ARHGAP15: variants seen among roughly 807,000 people sequenced by gnomAD.
ARHGAP15 encodes the protein Rho GTPase activating protein 15.
ARHGAP15 carries 51 observed loss-of-function variants against 63.7 expected under a neutral mutation model. That is an observed-to-expected ratio of 0.80 (90% confidence interval 0.64 to 1.01). ARHGAP15 has a LOEUF of 1.01. ARHGAP15 is among the 50% of genes least tolerant of loss of function. The pLI is 0.00. For synonymous variants in ARHGAP15, 191 were observed against 193.8 expected (o/e 0.99, Z 0.12); for missense variants, 560 against 564.6 (o/e 0.99, Z 0.08).
At chr2:143,452,888 T>C (rs1690472637) in intron 8 of ARHGAP15, among the ~76,000 whole-genome samples, 1 of 152,014 alleles carries the variant, frequency 6.6e-6, no homozygotes, top group Non-Finnish European at 1.5e-5. Flanking sequence ...GCATAAGCTT[T>C]CCCATTCTAA....
At chr2:143,767,844 C>T in intron 13 of ARHGAP15, 145 bp from the exon 14 acceptor site, 3 of 784,820 alleles carry the variant, frequency 3.8e-6, no homozygotes, top group Admixed American at 2.9e-5. Context: ...TACTTCCATA[C>T]AGTAAAGTAT....
intron 6 of ARHGAP15, among the ~76,000 whole-genome samples, chr2:143,423,260 T>C (rs775727086): frequency 1.3e-5 from 2 of 152,166 alleles, no homozygotes; most frequent in Admixed American, 6.6e-5. Context: ...TTCCCCACTG[T>C]GACACTGTGG....
intron 11 of ARHGAP15, among the ~76,000 whole-genome samples, chr2:143,584,828 G>T (rs1322523932): frequency 6.6e-6 from 1 of 152,080 alleles, no homozygotes; most frequent in African/African-American, 2.4e-5. Flanking sequence ...CAAGATTTTT[G>T]ATCTACATTT....
At chr2:143,488,587 G>A (rs1472449194) in intron 9 of ARHGAP15, among the ~76,000 whole-genome samples, 1 of 152,194 alleles carries the variant, frequency 6.6e-6, no homozygotes, top group African/African-American at 2.4e-5. Context: ...AAAGCTGAAA[G>A]GCTAAACTTT....
At chr2:143,616,749 G>C (rs936023364) in intron 11 of ARHGAP15, among the ~76,000 whole-genome samples, 8 of 152,082 alleles carry the variant, frequency 5.3e-5, no homozygotes, top group Non-Finnish European at 1.0e-4. Flanking sequence ...TTCAAACATA[G>C]GACTCCTAAG....
chr2:143,312,508 G>A (rs950854595), intron 6 of ARHGAP15, among the ~76,000 whole-genome samples: 8 of 151,992 alleles, frequency 5.3e-5, no homozygotes, highest in African/African-American at 1.5e-4. Flanking sequence ...CAAAAATGTA[G>A]AAGTTATTTT....
intron 9 of ARHGAP15, among the ~76,000 whole-genome samples, chr2:143,518,329 T>C (rs970936616): frequency 1.3e-4 from 20 of 152,272 alleles, no homozygotes; most frequent in Non-Finnish European, 2.6e-4. Flanking sequence ...TAAATGTAAA[T>C]ACACAATGCA....
intron 6 of ARHGAP15, among the ~76,000 whole-genome samples, chr2:143,364,408 G>A (rs1686205801): frequency 6.6e-6 from 1 of 152,096 alleles, no homozygotes; most frequent in South Asian, 2.1e-4. Flanking sequence ...AGTGAGAAGT[G>A]GGAGGGACAG....
intron 11 of ARHGAP15, among the ~76,000 whole-genome samples, chr2:143,615,244 G>C (rs1698411687): frequency 1.3e-5 from 2 of 152,148 alleles, no homozygotes; most frequent in African/African-American, 2.4e-5. Context: ...GGATAACATA[G>C]TTTCAATGAA....
chr2:143,690,019 T>C (rs57504817), intron 12 of ARHGAP15, among the ~76,000 whole-genome samples: 1 of 152,198 alleles, frequency 6.6e-6, no homozygotes, highest in Non-Finnish European at 1.5e-5. Context: ...CAGCATTAAC[T>C]GTGTAGGAAA....
chr2:143,614,938 T>A (rs1698398449), intron 11 of ARHGAP15, among the ~76,000 whole-genome samples: 1 of 152,230 alleles, frequency 6.6e-6, no homozygotes, highest in South Asian at 2.1e-4. Flanking sequence ...ATTAAGATGA[T>A]AATGTTGTTC....
intron 12 of ARHGAP15, among the ~76,000 whole-genome samples, chr2:143,662,306 A>T (rs1681859446): frequency 6.7e-6 from 1 of 149,982 alleles, no homozygotes; most frequent in Non-Finnish European, 1.5e-5. Flanking sequence ...GCAGGGGCAC[A>T]CTGACACCTC....
chr2:143,471,191 TACACACATATATGTGTGTATATATAC>T (rs1308211122), intron 8 of ARHGAP15, among the ~76,000 whole-genome samples: 5 of 141,500 alleles, frequency 3.5e-5, no homozygotes, highest in Admixed American at 1.4e-4. Context: ...TGTGTATATA[TACACACATATATGTGTGTATATATAC>T]ACACACATGT....
At chr2:143,643,434 C>T (rs1196809274) in intron 12 of ARHGAP15, among the ~76,000 whole-genome samples, 2 of 147,822 alleles carry the variant, frequency 1.4e-5, no homozygotes, top group African/African-American at 4.9e-5. Flanking sequence ...CCCACCCCCC[C>T]CCACCAAAAA....
intron 10 of ARHGAP15, among the ~76,000 whole-genome samples, chr2:143,544,690 T>C (rs1438443544): frequency 2.0e-5 from 3 of 152,170 alleles, no homozygotes; most frequent in Non-Finnish European, 4.4e-5. Flanking sequence ...ACATAGTAAG[T>C]ACCTACACAA....
At chr2:143,192,164 T>G (rs1691708927) in intron 2 of ARHGAP15, among the ~76,000 whole-genome samples, 1 of 152,242 alleles carries the variant, frequency 6.6e-6, no homozygotes, top group Non-Finnish European at 1.5e-5. Context: ...TTTTGGCCAT[T>G]GGGTATTTAT....
chr2:143,523,237 C>A (rs930436182), intron 10 of ARHGAP15, among the ~76,000 whole-genome samples: 2 of 152,074 alleles, frequency 1.3e-5, no homozygotes, highest in African/African-American at 4.8e-5. Flanking sequence ...CAAACAGACA[C>A]ACACGGTTAT....
chr2:143,550,003 A>G (rs552050797), intron 10 of ARHGAP15, among the ~76,000 whole-genome samples: 9 of 152,324 alleles, frequency 5.9e-5, no homozygotes, highest in African/African-American at 2.2e-4. Context: ...TTGATAATCC[A>G]TCTTAAATAA....
intron 6 of ARHGAP15, among the ~76,000 whole-genome samples, chr2:143,323,894 CAAAAAAAAAAAAAAAAAAA>C (rs55804357): frequency 3.8e-5 from 1 of 26,170 alleles, no homozygotes; most frequent in Non-Finnish European, 6.6e-5. Flanking sequence ...GACTCCGTCT[CAAAAAAAAAAAAAAAAAAA>C]AAAAAAAAAA....
Sources: allele counts gnomAD v4.1 joint callset (sites outside exome capture counted in the v4.1 genomes callset), GRCh38; gene constraint gnomAD v4.1.1; transcripts MANE v1.5; gene names NCBI Gene and HGNC (gene_info 2026-07-23, HGNC 2026-07-21).